The following RNASEH1 variants were observed in gnomAD, a reference collection of about 807,000 sequenced individuals.
The protein encoded by RNASEH1 is ribonuclease H1.
A neutral mutation model predicts 34.6 loss-of-function variants in RNASEH1; 27 were observed. The observed-to-expected ratio is 0.78, with a 90% confidence interval of 0.58 to 1.08. RNASEH1 has a LOEUF of 1.08. Among genes scored for constraint, RNASEH1 ranks in the 50% least tolerant of loss-of-function variants. The pLI is 0.00. For missense variants in RNASEH1, 349 were observed against 373.6 expected, an observed-to-expected ratio of 0.93 and a Z score of 0.54; for synonymous variants, 162 against 138.4, an observed-to-expected ratio of 1.17 and a Z score of -1.20.
intron 7 of RNASEH1, among the ~76,000 whole-genome samples, chr2:3,546,073 C>G (rs980559325): frequency 6.6e-6 from 1 of 152,204 alleles, no homozygotes; most frequent in African/African-American, 2.4e-5. Flanking sequence ...TACGAACATT[C>G]CATTTTGTTT....
In RNASEH1 at chr2:3,541,875, G is replaced by A. The variant is rs1471513482; in HGVS notation, c.*3910C>T. Among the ~76,000 whole-genome samples the A allele has an allele frequency of 6.6e-6, 1 of 152,112 alleles. No individual in the cohort carries two copies. Among genetic ancestry groups the A allele is most frequent in the African/African-American group, 2.4e-5 (1 of 41,410 alleles). ...CTGTTTTAAAAAGCAAGGTGGGGCC[G>A]GCTTTGGTGGCTCACACCTGTAATC... On this transcript the variant is annotated 3_prime_UTR_variant, in exon 8 of 8. Transcript: ENST00000315212.
At chr2:3,540,777 A>G (rs957752603), downstream of RNASEH1, among the ~76,000 whole-genome samples, 2 of 151,974 alleles carry the variant, frequency 1.3e-5, no homozygotes, top group African/African-American at 4.8e-5. Context: ...ATCTATTTCC[A>G]ATTCTGGTTC....
rs781160870 is a variant in RNASEH1, at chr2:3,548,677, T to G, written c.612A>C (p.Lys204Asn). 1 of 1,612,550 alleles carries G rather than the reference T, an allele frequency of 6.2e-7. No homozygotes were observed. Among genetic ancestry groups the G allele is most frequent in the Non-Finnish European group, 8.5e-7 (1 of 1,178,646 alleles). Residue 204 changes from lysine to asparagine, a missense_variant, in exon 6 of 8, where the codon AAA (lysine) becomes AAC (asparagine). Transcript: ENST00000315212. ...ACATACTGTCTGTATACAGAACCAG[T>G]TTATTGATGTTTTGAGTCTTTGCTT... ...IEQAKTQNIN[K>N]LVLYTDSMFT...
intron 2 of RNASEH1, among the ~76,000 whole-genome samples, chr2:3,555,732 AAT>A (rs1660427065): frequency 1.1e-5 from 1 of 94,194 alleles, no homozygotes. Flanking sequence ...TAGATCCAGA[AAT>A]ATTTTTAAAA....
At position 3,545,794 on chromosome 2, in the gene RNASEH1, C is replaced by T. The variant is rs370327181; in HGVS notation, c.852G>A (p.Ser284=). Residue 284 remains serine (S), a synonymous_variant, in exon 8 of 8, where the codon TCG becomes TCA. Coordinates refer to ENST00000315212, the MANE Select transcript of RNASEH1 (RefSeq NM_002936.6). ...DRLAREGAKQ[S]ED is the part of the protein sequence containing the mutation. ...ACTAAAGTCACATGGCTCAGTCTTC[C>T]GATTGTTTAGCTCCTTCTCTGGCTA... 97 of 1,612,356 alleles carry T rather than the reference C, an allele frequency of 6.0e-5. No homozygotes were observed. Among genetic ancestry groups the T allele is most frequent in the Non-Finnish European group, 7.3e-5 (86 of 1,178,498 alleles).
At chr2:3,557,496 A>C (rs1013686595) in intron 1 of RNASEH1, among the ~76,000 whole-genome samples, 1 of 152,222 alleles carries the variant, frequency 6.6e-6, no homozygotes, top group African/African-American at 2.4e-5. Flanking sequence ...TTCTTCCTCA[A>C]TACTGTAGCT....
downstream of RNASEH1, among the ~76,000 whole-genome samples, chr2:3,537,744 G>T (rs1317858336): frequency 2.6e-5 from 4 of 151,850 alleles, no homozygotes. Flanking sequence ...AAAGATGAAA[G>T]AAAATCTTTT....
chr2:3,546,325 A>G (rs1039890195), intron 7 of RNASEH1, among the ~76,000 whole-genome samples: 52 of 152,354 alleles, frequency 3.4e-4, no homozygotes, highest in African/African-American at 1.2e-3. Context: ...CAGTGGTTCC[A>G]GGAAGGCAGA....
rs1454151506 is a variant in RNASEH1, at chr2:3,552,213, A to G, written c.340T>C (p.Tyr114His). The G allele has an allele frequency of 6.2e-7, 1 of 1,613,390 alleles. No homozygotes were observed. Among genetic ancestry groups the G allele is most frequent in the Admixed American group, 1.7e-5 (1 of 59,998 alleles). Residue 114 changes from tyrosine (Y) to histidine (H), a missense_variant, in exon 3 of 8, where the codon TAT becomes CAT. Physicochemically the swap from Tyr to His is moderately conservative, Grantham distance 83. This residue lies in a region of RNASEH1 where 256 missense variants were observed against 240.7 expected (regional missense o/e 1.06). Transcript: ENST00000315212. The stretch of plus-strand genomic sequence containing the variant: ...ACGCTCGGCTTCATGTGCTTTGCAT[A>G]CGGCTCTGCGCTTTCATGTCCATCT... ...DGDGHESAEP[Y>H]AKHMKPSVEP...
rs1157426026 is a variant in RNASEH1 at position 3,543,469 on chromosome 2, T to A, written c.*2316A>T. 6.7e-6 allele frequency among the ~76,000 whole-genome samples: 1 copy of A among 150,228 alleles called. No homozygotes were observed. The highest frequency in any genetic ancestry group is 1.5e-5 in the Non-Finnish European group (1 of 68,016). On this transcript the variant is annotated 3_prime_UTR_variant, in exon 8 of 8. Transcript: ENST00000315212. ...ACTGTGCGTGTGGTCTGTGCACACATGTATGCACACATGTGCACACTTATC... is the reference window on the plus strand; with the variant it reads ...ACTGTGCGTGTGGTCTGTGCACACAAGTATGCACACATGTGCACACTTATC...
At chr2:3,552,106 C>T (rs1310241532) in intron 3 of RNASEH1, 38 bp downstream of exon 3, 1 of 1,562,236 alleles carries the variant, frequency 6.4e-7, no homozygotes, top group East Asian at 2.3e-5. Context: ...ATTTTCCTGA[C>T]TGTGGTATTA....
chr2:3,557,636 C>T (rs1444438646), intron 1 of RNASEH1: 2 of 371,522 alleles, frequency 5.4e-6, no homozygotes, highest in Non-Finnish European at 1.1e-5. Flanking sequence ...CTTCCTGACC[C>T]CAAGAACTAT....
the RNASEH1 span, chr2:3,532,251 CCCTCATGTTATCT>C: frequency 8.5e-6 from 6 of 702,142 alleles, no homozygotes; most frequent in South Asian, 5.9e-5. Flanking sequence ...TTTCTCATGA[CCCTCATGTTATCT>C]CCTCCCGTTT....
intron 4 of RNASEH1, 50 bp downstream of exon 4, chr2:3,550,323 T>C (rs1242417641): frequency 7.0e-7 from 1 of 1,422,378 alleles, no homozygotes; most frequent in African/African-American, 1.4e-5. Context: ...CCTCATCTTT[T>C]CACAAGTTGT....
intron 6 of RNASEH1, among the ~76,000 whole-genome samples, chr2:3,548,427 G>T (rs533588326): frequency 6.6e-6 from 1 of 152,184 alleles, no homozygotes; most frequent in Admixed American, 6.5e-5. Context: ...TTCCACTTCT[G>T]ACTGCATCTC....
chr2:3,553,337 A>G (rs564365144), intron 2 of RNASEH1, among the ~76,000 whole-genome samples: 1 of 152,114 alleles, frequency 6.6e-6, no homozygotes, highest in African/African-American at 2.4e-5. Context: ...CTTTTGCAAC[A>G]AAGTTTTTCT....
At position 3,541,973 on chromosome 2, in the gene RNASEH1, T is replaced by G. The variant is rs372198699; in HGVS notation, c.*3812A>C. Among the ~76,000 whole-genome samples the G allele has an allele frequency of 5.9e-5, 9 of 152,184 alleles. No homozygotes were observed. The highest frequency in any genetic ancestry group is 1.9e-4 in the African/African-American group (8 of 41,530). On this transcript the variant is annotated 3_prime_UTR_variant, in exon 8 of 8. Transcript: ENST00000315212. ...TTTAAGACCAGCCTGGGCAACACAG[T>G]GAGACACTGTTCCTATTTTAAATAA... is the stretch of plus-strand genomic sequence containing the variant.
chr2:3,550,543 T>A, intron 3 of RNASEH1, 71 bp from the exon 4 acceptor site: 1 of 1,111,500 alleles, frequency 9.0e-7, no homozygotes, highest in Non-Finnish European at 1.4e-6. Context: ...AAAAATCCAC[T>A]AGGTCGACTT....
intron 6 of RNASEH1, 41 bp from the exon 7 acceptor site, chr2:3,548,096 T>C (rs747980385): frequency 2.5e-6 from 4 of 1,612,174 alleles, no homozygotes; most frequent in East Asian, 4.5e-5. Context: ...ATCTTGAGTG[T>C]CCTGCCTTTT....
Sources: gnomAD v4.1 joint callset for allele counts (sites outside exome capture counted in the v4.1 genomes callset) on GRCh38, gnomAD v4.1.1 for gene constraint, gnomAD v4.1.1 regional missense constraint, MANE v1.5 for transcripts, NCBI Gene and HGNC (gene_info 2026-07-23, HGNC 2026-07-21) for gene names.